The following NUDT5 variants were observed in gnomAD, a reference collection of about 807,000 sequenced individuals.
The protein encoded by NUDT5 is ADP-sugar pyrophosphatase.
A neutral mutation model predicts 34.1 loss-of-function variants in NUDT5; 21 were observed. That is an observed-to-expected ratio of 0.62 (90% CI 0.44 to 0.89). The LOEUF (loss-of-function observed/expected upper bound fraction) is 0.89. Among genes scored for constraint, NUDT5 ranks in the 40% least tolerant of loss-of-function variants. The pLI is 0.00. For missense variants in NUDT5, 249 were observed against 274.8 expected (o/e 0.91, Z 0.66); for synonymous variants, 85 against 97.6 (o/e 0.87, Z 0.76).
intron 1 of NUDT5, among the ~76,000 whole-genome samples, chr10:12,191,960 C>A (rs538952232): frequency 1.3e-5 from 2 of 152,236 alleles, no homozygotes; most frequent in Non-Finnish European, 2.9e-5. Context: ...ACCCGAATCC[C>A]GGCCATCTGC....
intron 3 of NUDT5, among the ~76,000 whole-genome samples, chr10:12,183,769 C>T (rs1443032159): frequency 1.3e-5 from 2 of 152,070 alleles, no homozygotes; most frequent in East Asian, 1.9e-4. Context: ...ATTTTCCTTC[C>T]GGCTTTTTCT....
intron 1 of NUDT5, among the ~76,000 whole-genome samples, chr10:12,188,782 T>A (rs982640211): frequency 1.4e-3 from 196 of 136,198 alleles, no homozygotes; most frequent in African/African-American, 4.9e-3. Context: ...AGACCCTCAC[T>A]CCCCCGGACC....
At chr10:12,186,825 C>T (rs1835138415) in intron 1 of NUDT5, among the ~76,000 whole-genome samples, 1 of 151,912 alleles carries the variant, frequency 6.6e-6, no homozygotes, top group Admixed American at 6.6e-5. Context: ...CAGGGTTTCA[C>T]CACGTTGGCC....
At chr10:12,177,552 G>C (rs1834974237) in intron 5 of NUDT5, among the ~76,000 whole-genome samples, 2 of 152,122 alleles carry the variant, frequency 1.3e-5, no homozygotes, top group Admixed American at 1.3e-4. Flanking sequence ...AAAAAGGCTG[G>C]AGGCAGCATT....
chr10:12,190,245 A>C (rs933413587), intron 1 of NUDT5, among the ~76,000 whole-genome samples: 1 of 152,166 alleles, frequency 6.6e-6, no homozygotes, highest in East Asian at 1.9e-4. Context: ...AAGCTGTTTT[A>C]ATTCTCATAA....
In NUDT5 at chr10:12,173,680, G is replaced by A; in HGVS notation, c.385+38C>T. On this transcript the variant is annotated intron_variant, in intron 6 of 9. Coordinates refer to ENST00000491614, the MANE Select transcript of NUDT5 (RefSeq NM_014142.4). The surrounding 1 kb of genome is among the most constrained non-coding windows in gnomAD (Gnocchi z 4.7). The stretch of plus-strand genomic sequence containing the variant: ...AATAATCAATCCCTTCCCAGACGGA[G>A]GAATCCATCACTTGGTGAATTTTCA... 1 of 1,410,472 alleles carries A rather than the reference G, an allele frequency of 7.1e-7. No homozygotes were observed. The allele number at this position is 1,410,472 out of a possible 1,614,324, so 87.4% of individuals were successfully genotyped here. A position where few individuals can be genotyped will look rare whatever the true frequency, so the allele number is the denominator to read the frequency against.
In NUDT5 at chr10:12,190,254, A is replaced by G. The variant is rs145318856; in HGVS notation, c.-41-3922T>C. Among the ~76,000 whole-genome samples, 332 of 152,264 alleles carry G rather than the reference A, an allele frequency of 2.2e-3. 1 individual carries two copies. Among genetic ancestry groups the G allele is most frequent in the Non-Finnish European group, 4.0e-3 (269 of 67,998 alleles). On this transcript the variant is annotated intron_variant, in intron 1 of 9. Coordinates refer to ENST00000491614, the MANE Select transcript of NUDT5 (RefSeq NM_014142.4). ...AGTCACAAGCTGTTTTAATTCTCAT[A>G]AATCGTTTTAACTCAGTTCAGTTTG...
In NUDT5 at chr10:12,173,676, C is replaced by T. The variant is rs762368403; in HGVS notation, c.385+42G>A. On this transcript the variant is annotated intron_variant, in intron 6 of 9. Coordinates refer to ENST00000491614, the MANE Select transcript of NUDT5 (RefSeq NM_014142.4). This position sits in a 1 kb window ranked among gnomAD's most constrained non-coding sequence, Gnocchi z 4.7. ...CCCAAATAATCAATCCCTTCCCAGA[C>T]GGAGGAATCCATCACTTGGTGAATT... The T allele has an allele frequency of 2.0e-5, 28 of 1,385,714 alleles. No individual in the cohort carries two copies. Among genetic ancestry groups the T allele is most frequent in the South Asian group, 1.4e-4 (12 of 86,474 alleles). 85.8% of individuals were successfully genotyped at this position (1,385,714 alleles called of 1,614,324 possible).
intron 7 of NUDT5, 176 bp downstream of exon 7, chr10:12,172,589 A>G: frequency 1.7e-6 from 1 of 600,732 alleles, no homozygotes; most frequent in East Asian, 2.8e-5. Context: ...TGAAGTGGCA[A>G]AAGAAAAATG....
In NUDT5 at chr10:12,177,863, G is replaced by A. The variant is rs1185625303; in HGVS notation, c.219C>T (p.His73=). The A allele has an allele frequency of 1.9e-6, 3 of 1,614,040 alleles. No homozygotes were observed. The highest frequency in any genetic ancestry group is 2.7e-5 in the African/African-American group (2 of 74,926). Reference sequence around the variant, plus strand: ...GTTTCACCAGAACGATACACTCATAGTGAAGTGTTCTCTGCAGCACGGGGA... The same window carrying A: ...GTTTCACCAGAACGATACACTCATAATGAAGTGTTCTCTGCAGCACGGGGA... ...AVIPVLQRTL[H]YECIVLVKQF... Residue 73 remains histidine (H), a synonymous_variant, in exon 5 of 10, where the codon CAC becomes CAT. Coordinates refer to ENST00000491614, the MANE Select transcript of NUDT5 (RefSeq NM_014142.4).
At position 12,170,105 on chromosome 10, in the gene NUDT5, G is replaced by T; in HGVS notation, c.550+612C>A. 2.5e-6 allele frequency: 4 copies of T among 1,611,540 alleles called. No homozygotes were observed. Among genetic ancestry groups the T allele is most frequent in the East Asian group, 2.2e-5 (1 of 44,860 alleles). ...ATGTCTCCATACAGTATCTCCTCTC[G>T]TGGTTTTATCAAAGGACTTTTCTCC... On this transcript the variant is annotated intron_variant, in intron 9 of 9. Coordinates refer to ENST00000491614, the MANE Select transcript of NUDT5 (RefSeq NM_014142.4). The surrounding 1 kb of genome is among the most constrained non-coding windows in gnomAD (Gnocchi z 4.9).
intron 1 of NUDT5, among the ~76,000 whole-genome samples, chr10:12,189,155 G>A (rs910679224): frequency 2.0e-5 from 3 of 152,142 alleles, no homozygotes; most frequent in Admixed American, 6.5e-5. Context: ...TGCCCGGCTG[G>A]AGTGCAAAGG....
chr10:12,185,632 C>G (rs575644128), intron 2 of NUDT5, among the ~76,000 whole-genome samples: 1 of 152,366 alleles, frequency 6.6e-6, no homozygotes, highest in East Asian at 1.9e-4. Flanking sequence ...TTCTTGCCAG[C>G]AGCAACCTAA....
At position 12,175,323 on chromosome 10, in the gene NUDT5, AAAAT is replaced by A. The variant is rs371039979; in HGVS notation, c.290-1514_290-1511del. Reference sequence around the variant, plus strand: ...CAACAAAAGTGAAACTGCATCTCAAAAAATAAATAAATAAAATAAAATAAAATAA... The same window carrying A: ...CAACAAAAGTGAAACTGCATCTCAAAAAATAAATAAAATAAAATAAAATAA... On this transcript the variant is annotated intron_variant, in intron 5 of 9. Coordinates refer to ENST00000491614, the MANE Select transcript of NUDT5 (RefSeq NM_014142.4). This position sits in a 1 kb window ranked among gnomAD's most constrained non-coding sequence, Gnocchi z 4.8. Among the ~76,000 whole-genome samples the A allele has an allele frequency of 2.5e-3, 375 of 152,126 alleles. 1 individual carries two copies. Among genetic ancestry groups the A allele is most frequent in the African/African-American group, 8.6e-3 (358 of 41,480 alleles).
intron 1 of NUDT5, among the ~76,000 whole-genome samples, chr10:12,190,677 C>T (rs368967253): frequency 6.8e-6 from 1 of 146,662 alleles, no homozygotes; most frequent in African/African-American, 2.6e-5. Flanking sequence ...GGCATGATCT[C>T]GGCTCACTGC....
chr10:12,179,087 C>T lies in NUDT5; in HGVS notation c.177G>A (p.Ala59=), dbSNP rs142290712. 8.4e-5 allele frequency: 135 copies of T among 1,613,904 alleles called. No homozygotes were observed. The highest frequency in any genetic ancestry group is 8.0e-4 in the East Asian group (36 of 44,884). Residue 59 remains alanine, a synonymous_variant, in exon 4 of 10, where the codon GCG becomes GCA. Coordinates refer to ENST00000491614, the MANE Select transcript of NUDT5 (RefSeq NM_014142.4). Reference sequence around the variant, plus strand: ...GGAATAGGTTTGCACTCCTACCATCCGCAGTCTGCTCTTTCCTGGTTGTAC... The same window carrying T: ...GGAATAGGTTTGCACTCCTACCATCTGCAGTCTGCTCTTTCCTGGTTGTAC... The part of the protein sequence containing the change: ...VKRTTRKEQT[A]DGVAVIPVLQ...
chr10:12,193,833 A>G (rs1040756614), intron 1 of NUDT5, among the ~76,000 whole-genome samples: 7 of 150,836 alleles, frequency 4.6e-5, no homozygotes, highest in African/African-American at 9.7e-5. Flanking sequence ...CTGCAATTCT[A>G]TATTAAAGCT....
rs1015827193 is a variant in NUDT5, at chr10:12,173,422, C to A, written c.385+296G>T. Among the ~76,000 whole-genome samples the A allele has an allele frequency of 6.6e-6, 1 of 152,122 alleles. No individual in the cohort carries two copies. On this transcript the variant is annotated intron_variant, in intron 6 of 9. Coordinates refer to ENST00000491614, the MANE Select transcript of NUDT5 (RefSeq NM_014142.4). This position sits in a 1 kb window ranked among gnomAD's most constrained non-coding sequence, Gnocchi z 4.7. ...TTCACCATGTTGGTCAGGCTGGTCT[C>A]GAACTCCTGACCTCAGGTGATCCAC...
rs1230498543 is a variant in NUDT5, at chr10:12,167,030, A to G, written c.*672T>C. 2 of 194,706 alleles carry G rather than the reference A, an allele frequency of 1.0e-5. No homozygotes were observed. The highest frequency in any genetic ancestry group is 2.2e-5 in the Non-Finnish European group (2 of 92,620). 12.1% of individuals were successfully genotyped at this position (194,706 alleles called of 1,614,324 possible). On this transcript the variant is annotated 3_prime_UTR_variant, in exon 10 of 10. Coordinates refer to ENST00000491614, the MANE Select transcript of NUDT5 (RefSeq NM_014142.4). Reference sequence around the variant, plus strand: ...GTAAGAATAGGAAAAGAGATCCTCAAGCACGTGCAGATGCTTGCGGGATGG... The same window carrying G: ...GTAAGAATAGGAAAAGAGATCCTCAGGCACGTGCAGATGCTTGCGGGATGG...
Sources: gnomAD v4.1 joint callset for allele counts (sites outside exome capture counted in the v4.1 genomes callset) on GRCh38, gnomAD v4.1.1 for gene constraint, Gnocchi (gnomAD v3.1) non-coding constraint, MANE v1.5 for transcripts, NCBI Gene and HGNC (gene_info 2026-07-23, HGNC 2026-07-21) for gene names.